NFIA: variants seen among roughly 807,000 people sequenced by gnomAD.
The protein encoded by NFIA is nuclear factor I A.
Under a neutral mutation model 62.8 loss-of-function variants are expected in NFIA, and 8 were observed. That is an observed-to-expected ratio of 0.13 (90% confidence interval 0.07 to 0.23). The LOEUF (loss-of-function observed/expected upper bound fraction) is 0.23. Among genes scored for constraint, NFIA ranks in the 10% least tolerant of loss-of-function variants. The probability of loss-of-function intolerance (pLI) is 1.00; values close to 1 mark genes in which losing one functional copy is unlikely to be tolerated. For missense variants in NFIA, 410 were observed against 642.1 expected (o/e 0.64, Z 3.91); for synonymous variants, 235 against 238.1 (o/e 0.99, Z 0.12).
intron 2 of NFIA, among the ~76,000 whole-genome samples, chr1:61,204,794 T>C (rs1248001274): frequency 6.6e-6 from 1 of 152,184 alleles, no homozygotes; most frequent in Non-Finnish European, 1.5e-5. Flanking sequence ...AAGACACCTG[T>C]AGTCTATGAT....
intron 7 of NFIA, among the ~76,000 whole-genome samples, chr1:61,398,511 T>C (rs1284166033): frequency 6.6e-6 from 1 of 152,238 alleles, no homozygotes; most frequent in African/African-American, 2.4e-5. Flanking sequence ...AGTTACTTTG[T>C]CTGGTAGCAG....
intron 2 of NFIA, among the ~76,000 whole-genome samples, chr1:61,219,929 C>T (rs1653913565): frequency 1.3e-5 from 2 of 151,988 alleles, no homozygotes; most frequent in Non-Finnish European, 2.9e-5. Flanking sequence ...CGCCACTGCA[C>T]TCCAGCCTGG....
At chr1:61,246,694 G>A (rs913600106) in intron 2 of NFIA, among the ~76,000 whole-genome samples, 16 of 152,116 alleles carry the variant, frequency 1.1e-4, no homozygotes, top group African/African-American at 2.9e-4. Context: ...AGGACACATT[G>A]TAAATCACTA....
chr1:61,366,352 T>C (rs1335622851), intron 6 of NFIA, among the ~76,000 whole-genome samples: 1 of 152,184 alleles, frequency 6.6e-6, no homozygotes, highest in Non-Finnish European at 1.5e-5. Flanking sequence ...TTCAGTGAAG[T>C]TCAGTACTGT....
chr1:61,108,588 C>T (rs867756771), intron 2 of NFIA, among the ~76,000 whole-genome samples: 1 of 151,682 alleles, frequency 6.6e-6, no homozygotes, highest in Admixed American at 6.6e-5. Context: ...TCTCATTGCA[C>T]TGAGATCTGC....
intron 2 of NFIA, among the ~76,000 whole-genome samples, chr1:61,148,519 T>A (rs1255347326): frequency 6.6e-6 from 1 of 152,186 alleles, no homozygotes; most frequent in East Asian, 1.9e-4. Flanking sequence ...ATCTCTATGA[T>A]AACATATCTC....
At chr1:61,228,004 C>A (rs996080915) in intron 2 of NFIA, among the ~76,000 whole-genome samples, 1 of 152,164 alleles carries the variant, frequency 6.6e-6, no homozygotes, top group Admixed American at 6.5e-5. Context: ...TCCCTCTTCC[C>A]GGCTCAATGA....
chr1:61,271,006 G>C (rs1657470018), intron 2 of NFIA, among the ~76,000 whole-genome samples: 1 of 152,140 alleles, frequency 6.6e-6, no homozygotes, highest in Non-Finnish European at 1.5e-5. Context: ...ATAATCACCA[G>C]CTTCTTACCA....
At chr1:61,360,013 C>T (rs879415420) in intron 6 of NFIA, among the ~76,000 whole-genome samples, 5 of 152,098 alleles carry the variant, frequency 3.3e-5, no homozygotes, top group Admixed American at 1.3e-4. Context: ...GGGTTCCTTG[C>T]GATAGTTTAG....
intron 1 of NFIA, among the ~76,000 whole-genome samples, chr1:61,086,484 C>G (rs1321820283): frequency 2.0e-5 from 3 of 152,072 alleles, no homozygotes; most frequent in Non-Finnish European, 4.4e-5. Flanking sequence ...TCTATTCTCT[C>G]TCTACTTAAA....
chr1:61,170,323 C>G (rs1261117889), intron 2 of NFIA, among the ~76,000 whole-genome samples: 1 of 152,164 alleles, frequency 6.6e-6, no homozygotes, highest in Non-Finnish European at 1.5e-5. Flanking sequence ...CTGCTCTGAT[C>G]CACAGCATTT....
In NFIA at chr1:61,458,158, G is replaced by C. The variant is rs1668385834; in HGVS notation, c.*2838G>C. ...GCCTTCCCCTATAGCACTTAGCTGG[G>C]CATTACTTTATTATGACATATGTGC... On this transcript the variant is annotated 3_prime_UTR_variant, in exon 11 of 11. Coordinates refer to ENST00000403491, the MANE Select transcript of NFIA (RefSeq NM_001134673.4). 2 of 150,570 alleles carry C rather than the reference G, an allele frequency of 1.3e-5. No individual in the cohort carries two copies. Among genetic ancestry groups the C allele is most frequent in the Non-Finnish European group, 2.9e-5 (2 of 67,850 alleles). 9.3% of individuals were successfully genotyped at this position (150,570 alleles called of 1,614,324 possible).
intron 2 of NFIA, among the ~76,000 whole-genome samples, chr1:61,098,694 T>C (rs148010065): frequency 0.012 from 1,771 of 152,332 alleles, 20 homozygotes; most frequent in Middle Eastern, 0.065. Flanking sequence ...TAGAAGTCTC[T>C]CCTTTTCCCA....
At position 61,185,308 on chromosome 1, in the gene NFIA, C is replaced by A. The variant is rs184864310; in HGVS notation, c.560-92212C>A. Among the ~76,000 whole-genome samples the A allele has an allele frequency of 3.1e-3, 467 of 152,172 alleles. 5 individuals are homozygous for A. In the South Asian group the frequency reaches 0.032, roughly 11 times the overall value. Reference sequence around the variant, plus strand: ...AAAGAAATTGAATTTGAATAAACAACTGGAATAAGTATAAAATGCATTTCT... The same window carrying A: ...AAAGAAATTGAATTTGAATAAACAAATGGAATAAGTATAAAATGCATTTCT... On this transcript the variant is annotated intron_variant, in intron 2 of 10. Coordinates refer to ENST00000403491, the MANE Select transcript of NFIA (RefSeq NM_001134673.4).
chr1:61,183,981 C>T (rs889218185), intron 2 of NFIA, among the ~76,000 whole-genome samples: 3 of 151,822 alleles, frequency 2.0e-5, no homozygotes, highest in Non-Finnish European at 2.9e-5. Context: ...GGAAAGTTTA[C>T]GGTTAATATT....
At chr1:61,108,801 T>A (rs1646647816) in intron 2 of NFIA, among the ~76,000 whole-genome samples, 1 of 151,824 alleles carries the variant, frequency 6.6e-6, no homozygotes, top group Non-Finnish European at 1.5e-5. Flanking sequence ...AATTTTATGG[T>A]TTGGTATATG....
chr1:61,432,813 C>G (rs915386007), intron 10 of NFIA, among the ~76,000 whole-genome samples: 3 of 152,080 alleles, frequency 2.0e-5, no homozygotes, highest in African/African-American at 7.2e-5. Flanking sequence ...CCACTTTCTC[C>G]TGACTTTGAG....
intron 7 of NFIA, among the ~76,000 whole-genome samples, chr1:61,385,652 ACTTCC>A (rs1252071377): frequency 2.0e-5 from 3 of 152,182 alleles, no homozygotes; most frequent in Admixed American, 2.0e-4. Context: ...TGTCATGGGC[ACTTCC>A]CTATGGGTAC....
At chr1:61,274,372 GA>G (rs919375363) in intron 2 of NFIA, among the ~76,000 whole-genome samples, 18 of 152,008 alleles carry the variant, frequency 1.2e-4, no homozygotes, top group African/African-American at 3.9e-4. Context: ...CCTAGATAGG[GA>G]AAAAAAATTG....
Sources: allele counts gnomAD v4.1 joint callset (sites outside exome capture counted in the v4.1 genomes callset), GRCh38; gene constraint gnomAD v4.1.1; transcripts MANE v1.5; gene names NCBI Gene and HGNC (gene_info 2026-07-23, HGNC 2026-07-21).